EEA1: variants seen among roughly 807,000 people sequenced by gnomAD.
EEA1 encodes the protein early endosome antigen 1, 162kD.
In EEA1, 111 loss-of-function variants were observed where a neutral mutation model predicts 209.2. The observed-to-expected ratio is 0.53, with a 90% CI of 0.45 to 0.62. The LOEUF (loss-of-function observed/expected upper bound fraction) is 0.62, where lower values mean the gene tolerates loss of function less well. Among genes scored for constraint, EEA1 ranks in the 20% least tolerant of loss-of-function variants. The probability of loss-of-function intolerance (pLI) is 0.00; values close to 1 mark genes in which losing one functional copy is unlikely to be tolerated. For missense variants in EEA1, 1,343 were observed against 1,530.8 expected (o/e 0.88, Z 2.05); for synonymous variants, 536 against 540.6 (o/e 0.99, Z 0.12).
chr12:92,877,590 G>A (rs1204704032), intron 2 of EEA1, among the ~76,000 whole-genome samples: 1 of 151,902 alleles, frequency 6.6e-6, no homozygotes, highest in Non-Finnish European at 1.5e-5. Context: ...GTGCAGTGGT[G>A]CGATCTTGGC....
At position 92,811,291 on chromosome 12, in the gene EEA1, T is replaced by C. The variant is rs755548731; in HGVS notation, c.2187A>G (p.Glu729=). ...LSLEQKTEEL[E]GQIKKLEADS... is the part of the protein sequence containing the mutation. ...CTTTTATACAAACCTTAATTTGACC[T>C]TCTAGCTCTTCGGTTTTCTGTTCTA... is the stretch of plus-strand genomic sequence containing the variant. The change falls in exon 17 of 29, where the codon GAA becomes GAG. Residue 729 remains glutamate, a synonymous_variant. Transcript: ENST00000322349. 3.2e-5 allele frequency: 50 copies of C among 1,560,778 alleles called. No individual in the cohort carries two copies. The highest frequency in any genetic ancestry group is 4.3e-5 in the Non-Finnish European group (50 of 1,157,642).
chr12:92,784,502 G>C (rs575645980), intron 22 of EEA1, among the ~76,000 whole-genome samples: 1 of 152,234 alleles, frequency 6.6e-6, no homozygotes, highest in African/African-American at 2.4e-5. Context: ...CTAGAGCCTG[G>C]AAAGCAACCC....
At chr12:92,850,984 T>A (rs1018446363) in intron 9 of EEA1, 127 bp downstream of exon 9, 3 of 893,698 alleles carry the variant, frequency 3.4e-6, no homozygotes, top group Admixed American at 3.1e-5. Flanking sequence ...ATTATTCAGA[T>A]CAAAAATGAA....
At position 92,776,914 on chromosome 12, in the gene EEA1, T is replaced by C; in HGVS notation, c.4043A>G (p.Lys1348Arg). ...QIKHTQALNR[K>R]WAEDNEVQNC... Reference sequence around the variant, plus strand: ...TTGTACTTCATTGTCTTCGGCCCACTTTCTATTCAACGCTTGTGTATGTTT... The same window carrying C: ...TTGTACTTCATTGTCTTCGGCCCACCTTCTATTCAACGCTTGTGTATGTTT... The change falls in exon 28 of 29, where the codon AAG becomes AGG. Residue 1348 changes from lysine (K) to arginine (R), a missense_variant. Physicochemically the swap from Lys to Arg is conservative, Grantham distance 26. Coordinates refer to ENST00000322349, the MANE Select transcript of EEA1 (RefSeq NM_003566.4). 6.2e-7 allele frequency: 1 copy of C among 1,611,940 alleles called. No individual in the cohort carries two copies. The highest frequency in any genetic ancestry group is 8.5e-7 in the Non-Finnish European group (1 of 1,178,464).
At chr12:92,902,561 T>G (rs1001881506) in intron 1 of EEA1, among the ~76,000 whole-genome samples, 1 of 151,930 alleles carries the variant, frequency 6.6e-6, no homozygotes. Context: ...GCCAACAGGG[T>G]GAAACCCCGT....
chr12:92,802,642 ATT>A lies in EEA1; in HGVS notation c.2430_2431del (p.Lys810AsnfsTer7). On this transcript the variant is annotated frameshift_variant, in exon 19 of 29. Coordinates refer to ENST00000322349, the MANE Select transcript of EEA1 (RefSeq NM_003566.4). LOFTEE classifies it high-confidence loss of function. ...TAAAGTTTCAAAATCTTGTTTCAGG[ATT>A]TTTTTTTCTTCCTCTTGCTTGGTAA... The A allele has an allele frequency of 2.5e-6, 4 of 1,602,518 alleles. No homozygotes were observed. Among genetic ancestry groups the A allele is most frequent in the Non-Finnish European group, 3.4e-6 (4 of 1,176,144 alleles).
At chr12:92,874,990 A>G (rs1429228467) in intron 2 of EEA1, among the ~76,000 whole-genome samples, 1 of 152,222 alleles carries the variant, frequency 6.6e-6, no homozygotes, top group Non-Finnish European at 1.5e-5. Flanking sequence ...TGTCAATTTA[A>G]AAAGTAAATA....
At chr12:92,901,570 T>A (rs1490500220) in intron 1 of EEA1, among the ~76,000 whole-genome samples, 1 of 151,750 alleles carries the variant, frequency 6.6e-6, no homozygotes, top group Non-Finnish European at 1.5e-5. Context: ...AAGAACTTCT[T>A]GTTTTTTTTT....
At chr12:92,874,301 T>C (rs778833673) in intron 2 of EEA1, among the ~76,000 whole-genome samples, 99 of 151,922 alleles carry the variant, frequency 6.5e-4, no homozygotes, top group East Asian at 9.7e-4. Flanking sequence ...GCCCAGGCAA[T>C]AGAGTGAGAC....
At chr12:92,815,831 T>C (rs1280214955) in intron 15 of EEA1, among the ~76,000 whole-genome samples, 1 of 151,980 alleles carries the variant, frequency 6.6e-6, no homozygotes, top group Non-Finnish European at 1.5e-5. Context: ...TAAAAAACAA[T>C]CATGGCATGA....
chr12:92,836,393 T>C (rs1876931940), intron 10 of EEA1, among the ~76,000 whole-genome samples: 1 of 152,214 alleles, frequency 6.6e-6, no homozygotes, highest in Admixed American at 6.5e-5. Context: ...ATATATATTC[T>C]TACAGCGACA....
intron 23 of EEA1, among the ~76,000 whole-genome samples, chr12:92,781,639 G>A (rs75585473): frequency 0.019 from 2,838 of 152,092 alleles, 96 homozygotes; most frequent in African/African-American, 0.063. Context: ...AGGATAATAC[G>A]TTATATGAGA....
chr12:92,853,365 G>A (rs1877722162), intron 6 of EEA1, among the ~76,000 whole-genome samples: 1 of 151,788 alleles, frequency 6.6e-6, no homozygotes, highest in Non-Finnish European at 1.5e-5. Context: ...TTTTTTAAGA[G>A]ATGGGGTCTC....
At chr12:92,838,847 A>G (rs1407269079) in intron 10 of EEA1, among the ~76,000 whole-genome samples, 2 of 152,214 alleles carry the variant, frequency 1.3e-5, no homozygotes, top group Non-Finnish European at 2.9e-5. Context: ...CCTCCACACC[A>G]AAGTATAATA....
intron 6 of EEA1, among the ~76,000 whole-genome samples, chr12:92,853,253 A>C (rs1322051856): frequency 1.3e-5 from 2 of 152,250 alleles, no homozygotes; most frequent in Non-Finnish European, 2.9e-5. Flanking sequence ...ATCACTGCTA[A>C]ATAATCTATA....
In EEA1 at chr12:92,783,005, C is replaced by A. The variant is rs139416987; in HGVS notation, c.3151-870G>T. ...GCCCCTTCCCCCATATCACCCAACA[C>A]ATCTCTTCATCTGTATTCTCTGTAA... On this transcript the variant is annotated intron_variant, in intron 22 of 28. Coordinates refer to ENST00000322349, the MANE Select transcript of EEA1 (RefSeq NM_003566.4). Among the ~76,000 whole-genome samples, 63 of 152,366 alleles carry A rather than the reference C, an allele frequency of 4.1e-4. No homozygotes were observed. In the East Asian group the frequency reaches 0.011, roughly 26 times the overall value.
At chr12:92,900,122 C>T (rs150733408) in intron 1 of EEA1, among the ~76,000 whole-genome samples, 1 of 152,130 alleles carries the variant, frequency 6.6e-6, no homozygotes, top group Admixed American at 6.6e-5. Flanking sequence ...CAAGGAATCA[C>T]AACAAAAGGG....
chr12:92,802,882 C>T (rs1874995286), intron 18 of EEA1, 148 bp from the exon 19 acceptor site: 2 of 605,096 alleles, frequency 3.3e-6, no homozygotes, highest in African/African-American at 2.0e-5. Flanking sequence ...TAAAATCGCA[C>T]CACTGAAAAA....
At chr12:92,868,173 C>G (rs1371129753) in intron 2 of EEA1, among the ~76,000 whole-genome samples, 1 of 152,156 alleles carries the variant, frequency 6.6e-6, no homozygotes, top group Non-Finnish European at 1.5e-5. Flanking sequence ...TGCCATTAGG[C>G]TCCAGAGATA....
Sources: allele counts gnomAD v4.1 joint callset (sites outside exome capture counted in the v4.1 genomes callset), GRCh38; gene constraint gnomAD v4.1.1; transcripts MANE v1.5; gene names NCBI Gene and HGNC (gene_info 2026-07-23, HGNC 2026-07-21).